Variants in AFF3 observed in about 807,000 individuals in gnomAD.
The protein encoded by AFF3 is AF4/FMR2 family member 3.
Under a neutral mutation model 129.7 loss-of-function variants are expected in AFF3, and 32 were observed. The ratio of observed to expected loss-of-function variants is 0.25; its 90% CI spans 0.19 to 0.33. The LOEUF (loss-of-function observed/expected upper bound fraction) is 0.33, where lower values mean the gene tolerates loss of function less well. AFF3 is among the 10% of genes least tolerant of loss of function. The pLI, the probability that AFF3 is intolerant of heterozygous loss-of-function variation, is 1.00. For missense variants in AFF3, 1,373 were observed against 1,592.0 expected (o/e 0.86, Z 2.34); for synonymous variants, 644 against 635.4 (o/e 1.01, Z -0.20).
At chr2:99,871,620 T>C (rs1486749852) in intron 7 of AFF3, among the ~76,000 whole-genome samples, 1 of 152,136 alleles carries the variant, frequency 6.6e-6, no homozygotes, top group Non-Finnish European at 1.5e-5. Flanking sequence ...AAATATATTT[T>C]GAGAAATAAA....
intron 7 of AFF3, among the ~76,000 whole-genome samples, chr2:99,962,659 A>G (rs575690087): frequency 6.6e-6 from 1 of 152,178 alleles, no homozygotes; most frequent in East Asian, 1.9e-4. Context: ...TGGAGATGAC[A>G]GAGGACAGAA....
chr2:99,747,583 A>T (rs1482915205), intron 9 of AFF3, among the ~76,000 whole-genome samples: 2 of 152,198 alleles, frequency 1.3e-5, no homozygotes, highest in African/African-American at 2.4e-5. Flanking sequence ...CTGAATTAGG[A>T]TTACAAACCA....
chr2:99,711,694 G>C, intron 11 of AFF3, among the ~76,000 whole-genome samples: 1 of 152,212 alleles, frequency 6.6e-6, no homozygotes, highest in Non-Finnish European at 1.5e-5. Flanking sequence ...ATCCTTTGTA[G>C]TATCCTGCAT....
chr2:100,013,919 T>A (rs1200088737), intron 4 of AFF3, among the ~76,000 whole-genome samples: 1 of 152,164 alleles, frequency 6.6e-6, no homozygotes, highest in African/African-American at 2.4e-5. Flanking sequence ...TCACTATTTT[T>A]ATCAAGTGCT....
At chr2:99,736,575 T>A (rs915031754) in intron 10 of AFF3, among the ~76,000 whole-genome samples, 3 of 152,014 alleles carry the variant, frequency 2.0e-5, no homozygotes, top group African/African-American at 7.2e-5. Context: ...TGTTATTGAA[T>A]CATTGCATCT....
chr2:99,558,175 T>C (rs1022931793), intron 22 of AFF3, among the ~76,000 whole-genome samples: 1 of 152,296 alleles, frequency 6.6e-6, no homozygotes, highest in African/African-American at 2.4e-5. Flanking sequence ...AATAAGCTAC[T>C]AGAGACTGGC....
intron 7 of AFF3, among the ~76,000 whole-genome samples, chr2:99,865,552 A>G (rs1691327789): frequency 6.6e-6 from 1 of 152,246 alleles, no homozygotes; most frequent in Non-Finnish European, 1.5e-5. Flanking sequence ...AATGGGTATT[A>G]TATGTAGGTC....
intron 8 of AFF3, among the ~76,000 whole-genome samples, chr2:99,815,140 G>C (rs1346685780): frequency 2.9e-5 from 1 of 34,006 alleles, no homozygotes; most frequent in African/African-American, 2.4e-4. Flanking sequence ...GGAGGAAGTA[G>C]CCCACAAAAA....
chr2:99,648,907 A>ACTCTCTCTCTCTCTCTCTCTCTCTCTCT (rs1464965146), intron 13 of AFF3, among the ~76,000 whole-genome samples: 1 of 39,240 alleles, frequency 2.5e-5, no homozygotes, highest in African/African-American at 6.7e-5. Flanking sequence ...ACACACACAC[A>ACTCTCTCTCTCTCTCTCTCTCTCTCTCT]CACACACACA....
At chr2:99,754,906 T>G (rs1395299861) in intron 8 of AFF3, among the ~76,000 whole-genome samples, 1 of 152,250 alleles carries the variant, frequency 6.6e-6, no homozygotes, top group Non-Finnish European at 1.5e-5. Context: ...CAGCATCTAC[T>G]GAATTTGAAA....
chr2:100,043,779 T>C (rs1017009417), intron 4 of AFF3, among the ~76,000 whole-genome samples: 2 of 152,236 alleles, frequency 1.3e-5, no homozygotes, highest in African/African-American at 4.8e-5. Flanking sequence ...CAAACTCTTG[T>C]GAAACTAGCA....
intron 11 of AFF3, among the ~76,000 whole-genome samples, chr2:99,680,757 G>A (rs1674445804): frequency 1.3e-5 from 2 of 152,160 alleles, no homozygotes; most frequent in Non-Finnish European, 2.9e-5. Flanking sequence ...ATCAGTTTTT[G>A]CATTTTTATG....
At chr2:100,024,710 G>A (rs1055298632) in intron 4 of AFF3, among the ~76,000 whole-genome samples, 4 of 151,870 alleles carry the variant, frequency 2.6e-5, no homozygotes, top group Admixed American at 6.6e-5. Context: ...ATAGCACTTC[G>A]TACAATAGAA....
chr2:99,673,060 T>TTTC (rs1687307866), intron 11 of AFF3, among the ~76,000 whole-genome samples: 1 of 152,084 alleles, frequency 6.6e-6, no homozygotes, highest in Non-Finnish European at 1.5e-5. Context: ...TTTTTTTTTT[T>TTTC]TTCTCTCAAA....
chr2:99,820,285 A>C (rs1687555554), intron 8 of AFF3, among the ~76,000 whole-genome samples: 1 of 152,158 alleles, frequency 6.6e-6, no homozygotes, highest in African/African-American at 2.4e-5. Context: ...ACTGTACTCA[A>C]TACTGTAGGC....
intron 7 of AFF3, among the ~76,000 whole-genome samples, chr2:99,953,776 C>A (rs1234338026): frequency 1.3e-5 from 2 of 152,132 alleles, no homozygotes; most frequent in Admixed American, 6.5e-5. Flanking sequence ...ACTGTAGAAC[C>A]AAATCAGTGG....
intron 8 of AFF3, among the ~76,000 whole-genome samples, chr2:99,814,543 T>C (rs1238267725): frequency 1.3e-5 from 2 of 152,158 alleles, no homozygotes; most frequent in Non-Finnish European, 2.9e-5. Flanking sequence ...AAAATCTTTC[T>C]GGAACCATGA....
chr2:99,550,759 G>A lies in AFF3; in HGVS notation c.*715C>T. On this transcript the variant is annotated 3_prime_UTR_variant, in exon 25 of 25. Coordinates refer to ENST00000672756, the MANE Select transcript of AFF3 (RefSeq NM_001386135.1). ...TGCCATTTGCATACTACTTGGAGGT[G>A]GGGCTGGGAAGGGCTGTGAGTGTCC... is the stretch of plus-strand genomic sequence containing the variant. 4.3e-6 allele frequency: 1 copy of A among 233,486 alleles called. No individual in the cohort carries two copies. Among genetic ancestry groups the A allele is most frequent in the Non-Finnish European group, 8.5e-6 (1 of 118,238 alleles). 14.5% of individuals were successfully genotyped at this position (233,486 alleles called of 1,614,324 possible). A position where few individuals can be genotyped will look rare whatever the true frequency, so the allele number is the denominator to read the frequency against.
intron 7 of AFF3, among the ~76,000 whole-genome samples, chr2:99,956,892 A>G (rs1676696216): frequency 6.6e-6 from 1 of 152,254 alleles, no homozygotes; most frequent in Non-Finnish European, 1.5e-5. Flanking sequence ...CGTGAGTTCT[A>G]TGCCATAAGA....
Sources: gnomAD v4.1 joint callset for allele counts (sites outside exome capture counted in the v4.1 genomes callset) on GRCh38, gnomAD v4.1.1 for gene constraint, MANE v1.5 for transcripts, NCBI Gene and HGNC (gene_info 2026-07-23, HGNC 2026-07-21) for gene names.